The following UBE2D3 variants were observed in gnomAD, a reference collection of about 807,000 sequenced individuals.
UBE2D3 encodes ubiquitin-conjugating enzyme E2 D3.
Under a neutral mutation model 22.8 loss-of-function variants are expected in UBE2D3, and 2 were observed. The ratio of observed to expected loss-of-function variants is 0.09; its 90% confidence interval spans 0.04 to 0.28. The LOEUF (loss-of-function observed/expected upper bound fraction) is 0.28, where lower values mean the gene tolerates loss of function less well. UBE2D3 is among the 10% of genes least tolerant of loss of function. UBE2D3 has a pLI of 1.00. For missense variants in UBE2D3, 27 were observed against 182.5 expected (o/e 0.15, Z 4.91); for synonymous variants, 56 against 60.4 (o/e 0.93, Z 0.34).
At chr4:102,835,565 G>C (rs1731348689) in intron 1 of UBE2D3, among the ~76,000 whole-genome samples, 1 of 152,042 alleles carries the variant, frequency 6.6e-6, no homozygotes, top group African/African-American at 2.4e-5. Context: ...ATCTCTGTAA[G>C]CCAGAGATAT....
chr4:102,809,362 T>C (rs547480800), intron 4 of UBE2D3: 16 of 312,526 alleles, frequency 5.1e-5, no homozygotes, highest in East Asian at 2.9e-4. Context: ...TTTGTCTCTA[T>C]AAATAACAGG....
chr4:102,819,556 A>C, intron 2 of UBE2D3: 1 of 985,340 alleles, frequency 1.0e-6, no homozygotes, highest in Non-Finnish European at 1.2e-6. Context: ...TATGAAAACA[A>C]GGTTTTAAGT....
intron 1 of UBE2D3, among the ~76,000 whole-genome samples, chr4:102,840,244 T>A (rs1009266261): frequency 6.6e-6 from 1 of 152,218 alleles, no homozygotes; most frequent in Non-Finnish European, 1.5e-5. Context: ...ATCCCACTAA[T>A]GGGTATTTAT....
intron 1 of UBE2D3, among the ~76,000 whole-genome samples, chr4:102,844,424 A>G (rs1303176507): frequency 1.3e-5 from 2 of 152,100 alleles, no homozygotes; most frequent in South Asian, 2.1e-4. Flanking sequence ...TTCCTTTACT[A>G]TCTTAATGAG....
chr4:102,805,412 C>A (rs1726872368), intron 4 of UBE2D3, among the ~76,000 whole-genome samples: 1 of 152,004 alleles, frequency 6.6e-6, no homozygotes, highest in African/African-American at 2.4e-5. Flanking sequence ...TTTCAGAAAC[C>A]TTCTACTTCT....
intron 1 of UBE2D3, among the ~76,000 whole-genome samples, chr4:102,853,989 T>C (rs79580756): frequency 6.6e-6 from 1 of 152,196 alleles, no homozygotes; most frequent in Non-Finnish European, 1.5e-5. Context: ...AAAAAAAAAT[T>C]GTCAGTCTGT....
chr4:102,828,638 C>A (rs1048107974), upstream of UBE2D3, among the ~76,000 whole-genome samples: 2 of 152,178 alleles, frequency 1.3e-5, no homozygotes, highest in African/African-American at 4.8e-5. Context: ...ACTTTAGCTT[C>A]TGTTGCTGTG....
intron 4 of UBE2D3, among the ~76,000 whole-genome samples, chr4:102,805,896 G>A (rs1726952243): frequency 6.6e-6 from 1 of 151,996 alleles, no homozygotes; most frequent in Non-Finnish European, 1.5e-5. Context: ...CCATAAACCA[G>A]GATCTCATCA....
At chr4:102,806,344 C>T (rs762682183) in intron 4 of UBE2D3, among the ~76,000 whole-genome samples, 3 of 151,810 alleles carry the variant, frequency 2.0e-5, no homozygotes, top group Non-Finnish European at 2.9e-5. Flanking sequence ...TCTTTTATAC[C>T]TCTTTAAGCA....
intron 7 of UBE2D3, chr4:102,798,887 A>G (rs373449340): frequency 5.0e-6 from 8 of 1,598,402 alleles, no homozygotes; most frequent in South Asian, 3.3e-5. Flanking sequence ...AAGTGCTGGC[A>G]GTACCATAAT....
At chr4:102,806,763 T>C (rs944451548) in intron 4 of UBE2D3, among the ~76,000 whole-genome samples, 1 of 152,084 alleles carries the variant, frequency 6.6e-6, no homozygotes, top group Non-Finnish European at 1.5e-5. Flanking sequence ...TCAGAGGCAA[T>C]AGGTAAGGAA....
At chr4:102,797,514 T>TA (rs1286011169) in intron 7 of UBE2D3, 54 bp from the exon 8 acceptor site, 24 of 1,408,594 alleles carry the variant, frequency 1.7e-5, no homozygotes, top group Non-Finnish European at 2.2e-5. Flanking sequence ...CCTAATACTT[T>TA]AAATGGAAGG....
At chr4:102,826,426 C>T in intron 2 of UBE2D3, 59 bp downstream of exon 2, 1 of 1,608,188 alleles carries the variant, frequency 6.2e-7, no homozygotes, top group Non-Finnish European at 8.5e-7. Context: ...CCACGCTTTC[C>T]TCTTGGCCCG....
intron 2 of UBE2D3, chr4:102,811,787 CGA>C (rs1728082272): frequency 1.3e-5 from 6 of 447,936 alleles, no homozygotes; most frequent in African/African-American, 6.1e-5. Flanking sequence ...GAAGCAGAGG[CGA>C]GAGGACAGCT....
intron 2 of UBE2D3, 78 bp from the exon 3 acceptor site, chr4:102,809,933 T>G (rs1727685871): frequency 1.4e-6 from 2 of 1,409,226 alleles, no homozygotes; most frequent in African/African-American, 2.8e-5. Flanking sequence ...TGCTTTCAGT[T>G]ACTTTCACCC....
At chr4:102,866,715 A>G (rs545516076) in intron 1 of UBE2D3, among the ~76,000 whole-genome samples, 2 of 152,322 alleles carry the variant, frequency 1.3e-5, no homozygotes, top group South Asian at 2.1e-4. Context: ...TACCAAGGGG[A>G]AAAATTAAAC....
chr4:102,835,895 C>G (rs528187558), intron 1 of UBE2D3, among the ~76,000 whole-genome samples: 2 of 152,066 alleles, frequency 1.3e-5, no homozygotes, highest in East Asian at 3.9e-4. Context: ...GTCTTCTTAA[C>G]CCACAGGACA....
intron 1 of UBE2D3, among the ~76,000 whole-genome samples, chr4:102,862,095 G>C (rs934962980): frequency 1.3e-5 from 2 of 151,884 alleles, no homozygotes; most frequent in Admixed American, 6.6e-5. Flanking sequence ...TATGGAAGGT[G>C]ATTTCAAAAT....
chr4:102,856,430 A>C (rs1007835736), intron 1 of UBE2D3, among the ~76,000 whole-genome samples: 11 of 152,200 alleles, frequency 7.2e-5, no homozygotes, highest in African/African-American at 2.7e-4. Flanking sequence ...GGTGGATTGG[A>C]TCTTATGATG....
Sources: allele counts gnomAD v4.1 joint callset (sites outside exome capture counted in the v4.1 genomes callset), GRCh38; gene constraint gnomAD v4.1.1; transcripts MANE v1.5; gene names NCBI Gene and HGNC (gene_info 2026-07-23, HGNC 2026-07-21).